The following TRPM1 variants were observed in gnomAD, a reference collection of about 807,000 sequenced individuals.
TRPM1 encodes transient receptor potential cation channel subfamily M member 1.
In TRPM1, 113 loss-of-function variants were observed where a neutral mutation model predicts 149.4. The observed-to-expected ratio is 0.76, with a 90% CI of 0.65 to 0.88. The LOEUF is 0.88. TRPM1 is among the 40% of genes least tolerant of loss of function. TRPM1 has a pLI of 0.00. For missense variants in TRPM1, 1,976 were observed against 2,038.7 expected, an observed-to-expected ratio of 0.97 and a Z score of 0.59; for synonymous variants, 741 against 759.5, an observed-to-expected ratio of 0.98 and a Z score of 0.40.
In TRPM1 at chr15:31,160,948, G is replaced by A. The variant is rs895900486; in HGVS notation, c.12C>T (p.Phe4=). The change falls in exon 1 of 27, where the codon TTC becomes TTT. Residue 4 remains phenylalanine (F), a synonymous_variant. Transcript: ENST00000542188. Reference sequence around the variant, plus strand: ...TGGAGCTCTTGAGCGAGCCCCGCTTGAAGGAGCTCATCTCTCTCAGTGAGC... The same window carrying A: ...TGGAGCTCTTGAGCGAGCCCCGCTTAAAGGAGCTCATCTCTCTCAGTGAGC... 5 of 1,535,408 alleles carry A rather than the reference G, an allele frequency of 3.3e-6. No homozygotes were observed. In the African/African-American group the frequency reaches 4.1e-5, roughly 13 times the overall value.
rs886051029 is a variant in TRPM1, at chr15:31,002,414, A to G, written c.4286T>C (p.Ile1429Thr). The G allele has an allele frequency of 6.2e-7, 1 of 1,614,178 alleles. No homozygotes were observed. The highest frequency in any genetic ancestry group is 1.1e-5 in the South Asian group (1 of 91,088). Reference sequence around the variant, plus strand: ...CAGGGGATAGGAAATAGTGCCTTCTATATTTGTCGTTTCCACTGTTAGCTG... The same window carrying G: ...CAGGGGATAGGAAATAGTGCCTTCTGTATTTGTCGTTTCCACTGTTAGCTG... ...NTQLTVETTN[I>T]EGTISYPLEE... Residue 1429 changes from isoleucine to threonine, a missense_variant, in exon 28 of 28, where the codon ATA (isoleucine) becomes ACA (threonine). Around this residue, in one of 3 missense-constraint regions of TRPM1, gnomAD observed 572 missense variants for 578.9 expected, o/e 0.99. Transcript: ENST00000256552.
intron 1 of TRPM1, among the ~76,000 whole-genome samples, chr15:31,148,561 A>G (rs1162810408): frequency 6.6e-6 from 1 of 152,204 alleles, no homozygotes; most frequent in East Asian, 1.9e-4. Flanking sequence ...GTTCCGTGAA[A>G]GGAGGAAAGG....
chr15:31,062,903 G>A (rs1465900450), intron 8 of TRPM1, among the ~76,000 whole-genome samples: 1 of 152,210 alleles, frequency 6.6e-6, no homozygotes, highest in Admixed American at 6.5e-5. Flanking sequence ...AAGGGCAAAT[G>A]AAGTTGGAAA....
At chr15:31,019,736 C>A (rs976598227) in intron 27 of TRPM1, among the ~76,000 whole-genome samples, 2 of 151,946 alleles carry the variant, frequency 1.3e-5, no homozygotes, top group Admixed American at 6.6e-5. Context: ...GGGGTTTCAC[C>A]ATGTTGACCA....
rs2033625047 is a variant in TRPM1 at position 31,041,805 on chromosome 15, G to A, written c.2087+146C>T. The stretch of plus-strand genomic sequence containing the variant: ...ACCTCTGAGAGACAGAAAGAAAAAT[G>A]CTGACATGACAGACGAAGTGATTTG... On this transcript the variant is annotated intron_variant, in intron 17 of 27. Transcript: ENST00000256552. The A allele has an allele frequency of 3.4e-6, 3 of 882,864 alleles. No individual in the cohort carries two copies. In the South Asian group the frequency reaches 4.5e-5, roughly 13 times the overall value. The allele number at this position is 882,864 out of a possible 1,614,324, so 54.7% of individuals were successfully genotyped here. A position where few individuals can be genotyped will look rare whatever the true frequency, so the allele number is the denominator to read the frequency against.
chr15:31,068,401 A>G (rs1416782372), intron 4 of TRPM1, among the ~76,000 whole-genome samples: 1 of 152,114 alleles, frequency 6.6e-6, no homozygotes, highest in African/African-American at 2.4e-5. Context: ...GAAGGTGATT[A>G]CGTCATGAGC....
chr15:31,062,624 A>G lies in TRPM1; in HGVS notation c.1044T>C (p.His348=). 6.2e-7 allele frequency: 1 copy of G among 1,614,138 alleles called. No homozygotes were observed. The highest frequency in any genetic ancestry group is 8.5e-7 in the Non-Finnish European group (1 of 1,179,984). ...KTFNYNKAQS[H]QLFAIIMECM... ...ACTCCATTATAATTGCAAACAGCTG[A>G]TGTGATTGTGCCTTATTATAATTAA... The change falls in exon 9 of 28, where the codon CAT becomes CAC. Residue 348 remains histidine (H), a synonymous_variant. Transcript: ENST00000256552.
In TRPM1 at chr15:31,062,654, T is replaced by C. The variant is rs749337386; in HGVS notation, c.1014A>G (p.Lys338=). The C allele has an allele frequency of 3.5e-5, 56 of 1,614,034 alleles. No individual in the cohort carries two copies. The highest frequency in any genetic ancestry group is 4.4e-5 in the Non-Finnish European group (52 of 1,179,992). Residue 338 remains lysine, a synonymous_variant, in exon 9 of 28, where the codon AAA becomes AAG. Coordinates refer to ENST00000256552, the MANE Select transcript of TRPM1 (RefSeq NM_001252024.2). ...LREQLLVTIQ[K]TFNYNKAQSH... The stretch of plus-strand genomic sequence containing the variant: ...ATTGTGCCTTATTATAATTAAATGT[T>C]TTCTGAATGGTAACTAGAAGCTGCT...
intron 2 of TRPM1, among the ~76,000 whole-genome samples, chr15:31,080,885 AGC>A (rs2034840477): frequency 6.6e-6 from 1 of 151,984 alleles, no homozygotes. Flanking sequence ...CCAGGCTCCG[AGC>A]GCTTAGGCTC....
At chr15:31,033,877 G>C (rs1243457568) in intron 21 of TRPM1, among the ~76,000 whole-genome samples, 2 of 152,190 alleles carry the variant, frequency 1.3e-5, no homozygotes, top group African/African-American at 4.8e-5. Flanking sequence ...ATGAGGCCCA[G>C]CTAGAAAAGG....
Position 31,069,745 on chromosome 15 carries a change from A to G in TRPM1, c.279+286T>C, listed in dbSNP as rs888766378. ...ATTTGTCTTCCTTTACTGAAGATGG[A>G]GCAATGGAGTGTGTTTGCAGGGTTG... On this transcript the variant is annotated intron_variant, in intron 4 of 27. Transcript: ENST00000256552. The G allele has an allele frequency of 1.5e-5, 21 of 1,436,522 alleles. No homozygotes were observed. The African/African-American group carries it at 3.0e-4, about 21-fold the overall frequency. 89.0% of individuals were successfully genotyped at this position (1,436,522 alleles called of 1,614,324 possible).
At chr15:31,031,415 A>C (rs2033073084) in intron 22 of TRPM1, 1 of 566,200 alleles carries the variant, frequency 1.8e-6, no homozygotes, top group Admixed American at 3.1e-5. Flanking sequence ...GTTGTTGCCC[A>C]TAAACACATG....
In TRPM1 at chr15:31,090,422, A is replaced by T. The variant is rs576800369; in HGVS notation, c.-83-8984T>A. ...GGGAAGCCGAGGCAGGCCGGTCACG[A>T]GGTCAGGGATTCAAGACCAGCCTGG... On this transcript the variant is annotated intron_variant, in intron 1 of 27. Transcript: ENST00000256552. Among the ~76,000 whole-genome samples, 6 of 152,212 alleles carry T rather than the reference A, an allele frequency of 3.9e-5. 1 individual carries two copies. Among genetic ancestry groups the T allele is most frequent in the Admixed American group, 6.5e-5 (1 of 15,292 alleles).
At chr15:31,145,314 G>A (rs2036211444) in intron 1 of TRPM1, among the ~76,000 whole-genome samples, 1 of 152,096 alleles carries the variant, frequency 6.6e-6, no homozygotes, top group South Asian at 2.1e-4. Context: ...TCTCCAAGAT[G>A]GCAGAAGAAG....
intron 5 of TRPM1, 84 bp downstream of exon 5, chr15:31,067,795 C>T (rs939983070): frequency 1.5e-6 from 2 of 1,340,178 alleles, no homozygotes; most frequent in African/African-American, 2.9e-5. Context: ...TTTTGTTGTC[C>T]TTAGTTATTA....
intron 1 of TRPM1, among the ~76,000 whole-genome samples, chr15:31,134,012 C>T (rs1457393620): frequency 1.3e-5 from 2 of 152,094 alleles, no homozygotes; most frequent in East Asian, 3.9e-4. Context: ...AGTAAGCGGC[C>T]CTCTGGGAAG....
chr15:31,098,728 G>T (rs1167696658), intron 1 of TRPM1, among the ~76,000 whole-genome samples: 1 of 152,066 alleles, frequency 6.6e-6, no homozygotes, highest in African/African-American at 2.4e-5. Context: ...CCTACCTTAA[G>T]GCATTTCAGG....
At chr15:31,031,481 G>A (rs1029603094) in intron 22 of TRPM1, 1 of 454,248 alleles carries the variant, frequency 2.2e-6, no homozygotes, top group Non-Finnish European at 4.0e-6. Flanking sequence ...AGAAAAGATG[G>A]GAGTTTGTAA....
chr15:31,105,004 G>T (rs2035584348), upstream of TRPM1, among the ~76,000 whole-genome samples: 1 of 152,176 alleles, frequency 6.6e-6, no homozygotes, highest in Admixed American at 6.5e-5. Context: ...GGCACAGCTT[G>T]CAGAGGAAAG....
Sources: allele counts gnomAD v4.1 joint callset (sites outside exome capture counted in the v4.1 genomes callset), GRCh38; gene constraint gnomAD v4.1.1; regional missense constraint gnomAD v4.1.1; transcripts MANE v1.5; gene names NCBI Gene and HGNC (gene_info 2026-07-23, HGNC 2026-07-21).